The following MED12L variants were observed in gnomAD, a reference collection of about 807,000 sequenced individuals.
MED12L encodes mediator complex subunit 12L, also known as mediator of RNA polymerase II transcription subunit 12-like protein.
Under a neutral mutation model 281.3 loss-of-function variants are expected in MED12L, and 60 were observed. The ratio of observed to expected loss-of-function variants is 0.21; its 90% CI spans 0.17 to 0.26. The LOEUF is 0.26. MED12L is among the 10% of genes least tolerant of loss of function. The probability of loss-of-function intolerance (pLI) is 1.00; values close to 1 mark genes in which losing one functional copy is unlikely to be tolerated. For synonymous variants in MED12L, 974 were observed against 987.2 expected (o/e 0.99, Z 0.25); for missense variants, 2,146 against 2,680.9 (o/e 0.80, Z 4.41).
At chr3:151,160,281 G>T (rs1240757212) in intron 8 of MED12L, among the ~76,000 whole-genome samples, 180 bp downstream of exon 8, 1 of 152,188 alleles carries the variant, frequency 6.6e-6, no homozygotes, top group East Asian at 1.9e-4. Context: ...GCTGAGAGAA[G>T]ATTTGTCACA....
chr3:151,105,280 C>T (rs924904274), intron 2 of MED12L, among the ~76,000 whole-genome samples: 2 of 152,160 alleles, frequency 1.3e-5, no homozygotes, highest in Non-Finnish European at 2.9e-5. Context: ...AAAACATGCA[C>T]CAAGCTCTCA....
At chr3:151,422,192 G>A (rs954455581) in intron 43 of MED12L, among the ~76,000 whole-genome samples, 1 of 152,216 alleles carries the variant, frequency 6.6e-6, no homozygotes, top group Non-Finnish European at 1.5e-5. Context: ...TGGCAGCACT[G>A]CCTGTGGAAA....
rs147509847 is a variant in MED12L at position 151,090,799 on chromosome 3, G to A, written c.99+3774G>A. Reference sequence around the variant, plus strand: ...TCATGCCTGTAATCCCATCACTTTGGGAGGCCGAGGCGGGTGGATCACCTG... The same window carrying A: ...TCATGCCTGTAATCCCATCACTTTGAGAGGCCGAGGCGGGTGGATCACCTG... On this transcript the variant is annotated intron_variant, in intron 2 of 44. Transcript: ENST00000687756. Among the ~76,000 whole-genome samples, 1,366 of 152,304 alleles carry A rather than the reference G, an allele frequency of 9.0e-3. 8 individuals carry two copies. Among genetic ancestry groups the A allele is most frequent in the Non-Finnish European group, 0.014 (928 of 68,020 alleles).
intron 9 of MED12L, among the ~76,000 whole-genome samples, chr3:151,164,750 C>CA (rs1233163431): frequency 9.1e-5 from 13 of 142,840 alleles, no homozygotes; most frequent in South Asian, 2.3e-4. Flanking sequence ...ATTGCAAGGA[C>CA]AAAAAAAAAC....
chr3:151,190,507 C>G (rs535376769), intron 13 of MED12L, among the ~76,000 whole-genome samples: 1 of 152,224 alleles, frequency 6.6e-6, no homozygotes, highest in East Asian at 1.9e-4. Context: ...TCATGTTTAC[C>G]ATACTGGATA....
chr3:151,379,247 A>G (rs1479174194), intron 31 of MED12L, among the ~76,000 whole-genome samples: 1 of 152,200 alleles, frequency 6.6e-6, no homozygotes, highest in Non-Finnish European at 1.5e-5. Flanking sequence ...CTAACTTCCC[A>G]TAGGCAGGAC....
chr3:151,118,163 A>T (rs903395225), intron 3 of MED12L, among the ~76,000 whole-genome samples: 9 of 149,738 alleles, frequency 6.0e-5, no homozygotes, highest in Non-Finnish European at 1.0e-4. Context: ...GGTTTTTTTT[A>T]TATATATATT....
At chr3:151,269,111 G>A (rs951438659) in intron 16 of MED12L, among the ~76,000 whole-genome samples, 23 of 152,044 alleles carry the variant, frequency 1.5e-4, no homozygotes, top group South Asian at 4.2e-4. Flanking sequence ...TATTGACGAC[G>A]TACAAAAGGA....
chr3:151,232,266 G>A (rs4679772), intron 16 of MED12L, among the ~76,000 whole-genome samples: 67,848 of 152,074 alleles, frequency 0.45, 15,949 homozygotes, highest in East Asian at 0.6. Flanking sequence ...AGCAATCACA[G>A]TGTTGCTTTC....
At chr3:151,098,369 A>G (rs1427861570) in intron 2 of MED12L, among the ~76,000 whole-genome samples, 2 of 152,206 alleles carry the variant, frequency 1.3e-5, no homozygotes, top group African/African-American at 2.4e-5. Context: ...ACAAATGACT[A>G]CAAACTGGGT....
chr3:151,390,548 TAAC>T (rs1357394513), intron 38 of MED12L, among the ~76,000 whole-genome samples: 2 of 152,182 alleles, frequency 1.3e-5, no homozygotes, highest in South Asian at 2.1e-4. Context: ...AAGATTTAGA[TAAC>T]AACAAGGAAA....
At chr3:151,364,563 G>C (rs922200371) in intron 21 of MED12L, among the ~76,000 whole-genome samples, 1 of 152,124 alleles carries the variant, frequency 6.6e-6, no homozygotes, top group Non-Finnish European at 1.5e-5. Flanking sequence ...AAATAGTTTT[G>C]TAAGATATGT....
At chr3:151,348,316 T>A (rs1752780018) in intron 16 of MED12L, among the ~76,000 whole-genome samples, 1 of 133,076 alleles carries the variant, frequency 7.5e-6, no homozygotes, top group Admixed American at 8.7e-5. Flanking sequence ...TTCCTAGGGT[T>A]CATATGTACA....
chr3:151,155,068 G>T (rs1719089871), intron 5 of MED12L, among the ~76,000 whole-genome samples: 1 of 152,142 alleles, frequency 6.6e-6, no homozygotes, highest in African/African-American at 2.4e-5. Flanking sequence ...AATTTTAAGG[G>T]TATTTAAAAA....
chr3:151,395,238 A>C (rs1560121614), intron 39 of MED12L, among the ~76,000 whole-genome samples: 1 of 152,026 alleles, frequency 6.6e-6, no homozygotes, highest in Non-Finnish European at 1.5e-5. Flanking sequence ...TCTTGTGTTC[A>C]TGTATTATTT....
intron 16 of MED12L, among the ~76,000 whole-genome samples, chr3:151,283,083 A>G (rs1382939548): frequency 6.6e-6 from 1 of 152,262 alleles, no homozygotes. Context: ...TCTGAGAATT[A>G]CAATGGAGAA....
intron 5 of MED12L, among the ~76,000 whole-genome samples, chr3:151,151,046 T>TTTTTTTTTTTTTTTTTTTTG (rs1718422383): frequency 8.2e-6 from 1 of 121,906 alleles, no homozygotes; most frequent in Non-Finnish European, 1.7e-5. Flanking sequence ...TTTTTTTTTT[T>TTTTTTTTTTTTTTTTTTTTG]TTTTTTTTGA....
chr3:151,391,880 AAT>A (rs1356940054), intron 38 of MED12L, among the ~76,000 whole-genome samples: 1 of 152,210 alleles, frequency 6.6e-6, no homozygotes, highest in Non-Finnish European at 1.5e-5. Flanking sequence ...TGAGTGAATG[AAT>A]ATAGACTACA....
intron 16 of MED12L, among the ~76,000 whole-genome samples, chr3:151,297,132 C>G (rs1745210529): frequency 6.6e-6 from 1 of 152,118 alleles, no homozygotes; most frequent in Non-Finnish European, 1.5e-5. Flanking sequence ...GTTATGAGAC[C>G]CATAGTATTA....
Sources: allele counts gnomAD v4.1 joint callset (sites outside exome capture counted in the v4.1 genomes callset), GRCh38; gene constraint gnomAD v4.1.1; transcripts MANE v1.5; gene names NCBI Gene and HGNC (gene_info 2026-07-23, HGNC 2026-07-21).